The following RNLS variants were observed in gnomAD, a reference collection of about 807,000 sequenced individuals.
The protein encoded by RNLS is renalase.
In RNLS, 39 loss-of-function variants were observed where a neutral mutation model predicts 39.8. That is an observed-to-expected ratio of 0.98 (90% confidence interval 0.76 to 1.28). RNLS has a LOEUF of 1.28. Among genes scored for constraint, RNLS ranks in the 50% most tolerant of loss-of-function variants. The pLI is 0.00. For synonymous variants in RNLS, 147 were observed against 150.7 expected, an observed-to-expected ratio of 0.98 and a Z score of 0.18; for missense variants, 410 against 413.3, an observed-to-expected ratio of 0.99 and a Z score of 0.07.
the RNLS span, among the ~76,000 whole-genome samples, chr10:88,216,402 C>G: frequency 2.0e-5 from 3 of 152,174 alleles, no homozygotes; most frequent in African/African-American, 7.2e-5. Flanking sequence ...TATCTTTCAT[C>G]TCTGATTTTG....
chr10:88,496,743 G>A (rs1437776665), intron 4 of RNLS, among the ~76,000 whole-genome samples: 2 of 152,096 alleles, frequency 1.3e-5, no homozygotes, highest in Admixed American at 6.6e-5. Context: ...CATGCTCTAT[G>A]GCTCAAGAAA....
intron 6 of RNLS, among the ~76,000 whole-genome samples, chr10:88,294,738 C>G (rs929872084): frequency 6.6e-6 from 1 of 152,082 alleles, no homozygotes; most frequent in Non-Finnish European, 1.5e-5. Flanking sequence ...TATTACTCCA[C>G]TGTATATGAC....
chr10:88,341,551 TATTTTG>T (rs992286005), intron 5 of RNLS, among the ~76,000 whole-genome samples: 1 of 152,150 alleles, frequency 6.6e-6, no homozygotes, highest in Non-Finnish European at 1.5e-5. Flanking sequence ...TCAATTTTTT[TATTTTG>T]ATCTTTTACT....
intron 4 of RNLS, among the ~76,000 whole-genome samples, chr10:88,510,174 A>C (rs1175090603): frequency 6.6e-6 from 1 of 152,166 alleles, no homozygotes; most frequent in Non-Finnish European, 1.5e-5. Flanking sequence ...ATTTTCCCCA[A>C]TAGAATAGCA....
chr10:88,225,013 C>A, the RNLS span, among the ~76,000 whole-genome samples: 2 of 152,170 alleles, frequency 1.3e-5, no homozygotes, highest in Admixed American at 6.5e-5. Flanking sequence ...GATTAAATTG[C>A]TATTGATTTG....
In RNLS at chr10:88,486,207, T is replaced by C. The variant is rs149019345; in HGVS notation, c.526+86696A>G. Among the ~76,000 whole-genome samples, 1,295 of 152,082 alleles carry C rather than the reference T, an allele frequency of 8.5e-3. 20 individuals are homozygous for C. The highest frequency in any genetic ancestry group is 0.033 in the East Asian group (173 of 5,182). ...AACTGGGCCCCTTCCTTATATCATA[T>C]ACAAAAATTAACTCAAGATGGATTA... On this transcript the variant is annotated intron_variant, in intron 4 of 6. Coordinates refer to ENST00000331772, the MANE Select transcript of RNLS (RefSeq NM_001031709.3).
intron 4 of RNLS, among the ~76,000 whole-genome samples, chr10:88,481,643 T>C (rs1042369374): frequency 6.6e-6 from 1 of 152,188 alleles, no homozygotes. Flanking sequence ...CATATATGTA[T>C]GTAAACTTAA....
intron 4 of RNLS, among the ~76,000 whole-genome samples, chr10:88,495,577 A>G (rs901920727): frequency 1.3e-5 from 2 of 152,176 alleles, no homozygotes; most frequent in Non-Finnish European, 2.9e-5. Context: ...CTGAAAAGAA[A>G]TCAAAAAGGG....
intron 4 of RNLS, among the ~76,000 whole-genome samples, chr10:88,434,069 C>A (rs7913513): frequency 1.3e-5 from 2 of 152,116 alleles, no homozygotes; most frequent in South Asian, 4.1e-4. Context: ...CTCTTTGATA[C>A]AGCTGGCTCT....
chr10:88,387,465 G>A (rs1456431838), intron 4 of RNLS, among the ~76,000 whole-genome samples: 3 of 100,800 alleles, frequency 3.0e-5, no homozygotes, highest in Non-Finnish European at 5.5e-5. Flanking sequence ...ACAAGAGACA[G>A]AAGAAGCACG....
intron 4 of RNLS, among the ~76,000 whole-genome samples, chr10:88,446,524 G>A (rs1842044965): frequency 6.6e-6 from 1 of 152,126 alleles, no homozygotes; most frequent in Non-Finnish European, 1.5e-5. Flanking sequence ...ATGGATCCAG[G>A]AGCAGATTTT....
At chr10:88,226,738 C>CTTTTTT in the RNLS span, among the ~76,000 whole-genome samples, 10 of 69,470 alleles carry the variant, frequency 1.4e-4, 1 homozygote, top group Non-Finnish European at 1.0e-4. Flanking sequence ...TCTCCCTTCA[C>CTTTTTT]TTTTTTTTTT....
At chr10:88,470,507 T>C (rs1371766639) in intron 4 of RNLS, among the ~76,000 whole-genome samples, 6 of 152,204 alleles carry the variant, frequency 3.9e-5, no homozygotes, top group African/African-American at 1.4e-4. Flanking sequence ...TTACCTGTTC[T>C]ACAAATTAAT....
the RNLS span, among the ~76,000 whole-genome samples, chr10:88,216,453 A>G: frequency 6.6e-6 from 1 of 152,194 alleles, no homozygotes; most frequent in Non-Finnish European, 1.5e-5. Context: ...CTTTTAAGTA[A>G]TATAATGACC....
the RNLS span, among the ~76,000 whole-genome samples, chr10:88,241,103 G>T: frequency 6.6e-6 from 1 of 151,200 alleles, no homozygotes; most frequent in Non-Finnish European, 1.5e-5. Context: ...ACTTTGGCAT[G>T]TCTGTTTGTA....
At chr10:88,478,745 C>T (rs1843967400) in intron 4 of RNLS, among the ~76,000 whole-genome samples, 1 of 152,196 alleles carries the variant, frequency 6.6e-6, no homozygotes, top group African/African-American at 2.4e-5. Flanking sequence ...CACACAAACC[C>T]ATCACTTTAA....
At chr10:88,193,348 C>G in the RNLS span, among the ~76,000 whole-genome samples, 1 of 152,006 alleles carries the variant, frequency 6.6e-6, no homozygotes, top group African/African-American at 2.4e-5. Flanking sequence ...CCTGGGTGGT[C>G]CTTTGGCTCC....
At chr10:88,355,721 C>A (rs968862417) in intron 5 of RNLS, among the ~76,000 whole-genome samples, 11 of 152,100 alleles carry the variant, frequency 7.2e-5, no homozygotes, top group Non-Finnish European at 1.5e-4. Context: ...CTGGGAGAAC[C>A]ACTACTCTCT....
chr10:88,537,960 A>C (rs1444196278), intron 4 of RNLS, among the ~76,000 whole-genome samples: 1 of 152,196 alleles, frequency 6.6e-6, no homozygotes, highest in Non-Finnish European at 1.5e-5. Flanking sequence ...AGGGTTCCCC[A>C]GGGGAACTTG....
Sources: gnomAD v4.1 joint callset for allele counts (sites outside exome capture counted in the v4.1 genomes callset) on GRCh38, gnomAD v4.1.1 for gene constraint, MANE v1.5 for transcripts, NCBI Gene and HGNC (gene_info 2026-07-23, HGNC 2026-07-21) for gene names.